The following DPP10 variants were observed in gnomAD, a reference collection of about 807,000 sequenced individuals.
The protein encoded by DPP10 is dipeptidyl peptidase like 10.
In DPP10, 33 loss-of-function variants were observed where a neutral mutation model predicts 120.9. The ratio of observed to expected loss-of-function variants is 0.27; its 90% CI spans 0.21 to 0.37. The LOEUF is 0.37. Among genes scored for constraint, DPP10 ranks in the 10% least tolerant of loss-of-function variants. The probability of loss-of-function intolerance (pLI) is 1.00; values close to 1 mark genes in which losing one functional copy is unlikely to be tolerated. For synonymous variants in DPP10, 337 were observed against 326.1 expected (o/e 1.03, Z -0.36); for missense variants, 816 against 942.8 (o/e 0.87, Z 1.76).
intron 1 of DPP10, among the ~76,000 whole-genome samples, chr2:114,650,852 GT>G (rs1175857588): frequency 6.6e-6 from 1 of 152,142 alleles, no homozygotes; most frequent in Non-Finnish European, 1.5e-5. Context: ...AAGATACCAT[GT>G]TTTTTCCTAT....
intron 2 of DPP10, among the ~76,000 whole-genome samples, chr2:115,324,343 C>G (rs1304590393): frequency 6.6e-6 from 1 of 152,140 alleles, no homozygotes; most frequent in Non-Finnish European, 1.5e-5. Context: ...TTGAAAATCT[C>G]TCGTTTAGCA....
chr2:115,452,573 G>T (rs1359552016), intron 3 of DPP10, among the ~76,000 whole-genome samples: 1 of 151,882 alleles, frequency 6.6e-6, no homozygotes, highest in Admixed American at 6.6e-5. Flanking sequence ...CTGCTTGCAA[G>T]GTATCTGTGC....
At chr2:115,842,025 A>T (rs1329735853) in intron 25 of DPP10, among the ~76,000 whole-genome samples, 186 bp from the exon 26 acceptor site, 2 of 152,216 alleles carry the variant, frequency 1.3e-5, no homozygotes, top group Non-Finnish European at 2.9e-5. Context: ...TTTAAATACC[A>T]AATATTAATT....
chr2:114,746,008 G>A (rs1379070531), intron 1 of DPP10, among the ~76,000 whole-genome samples: 2 of 152,188 alleles, frequency 1.3e-5, no homozygotes, highest in African/African-American at 4.8e-5. Flanking sequence ...GCAGAGAAGG[G>A]AGCCCCTAAC....
chr2:115,028,805 A>G (rs1304433142), intron 1 of DPP10, among the ~76,000 whole-genome samples: 6 of 152,020 alleles, frequency 3.9e-5, no homozygotes. Flanking sequence ...TTATCTTTAT[A>G]TTCTGACTTT....
chr2:114,856,749 G>C (rs1444958833), intron 1 of DPP10, among the ~76,000 whole-genome samples: 1 of 152,156 alleles, frequency 6.6e-6, no homozygotes, highest in African/African-American at 2.4e-5. Flanking sequence ...GAGAGCAGGA[G>C]AGTTGCTTCT....
intron 1 of DPP10, among the ~76,000 whole-genome samples, chr2:115,235,440 C>T (rs145974140): frequency 6.6e-6 from 1 of 152,228 alleles, no homozygotes; most frequent in East Asian, 1.9e-4. Flanking sequence ...GCATTTACAA[C>T]AATATAATTC....
intron 1 of DPP10, among the ~76,000 whole-genome samples, chr2:115,190,739 C>T (rs1022081596): frequency 4.6e-5 from 7 of 152,132 alleles, no homozygotes; most frequent in South Asian, 2.1e-4. Flanking sequence ...AGCTCATGCC[C>T]GGTCCGTGAG....
In DPP10 at chr2:114,906,716, C is replaced by A. The variant is rs138664319; in HGVS notation, c.61-402523C>A. 2.0e-5 allele frequency among the ~76,000 whole-genome samples: 3 copies of A among 152,192 alleles called. No homozygotes were observed. The East Asian group carries it at 5.8e-4, about 29-fold the overall frequency. On this transcript the variant is annotated intron_variant, in intron 1 of 25. Coordinates refer to ENST00000410059, the MANE Select transcript of DPP10 (RefSeq NM_020868.6). Reference sequence around the variant, plus strand: ...TCCTCAGGATAAATTCCCACTTGGTCATATTATATAATCCTATTTATGTGT... The same window carrying A: ...TCCTCAGGATAAATTCCCACTTGGTAATATTATATAATCCTATTTATGTGT...
At chr2:115,400,654 G>A (rs539676128) in intron 3 of DPP10, among the ~76,000 whole-genome samples, 7 of 152,154 alleles carry the variant, frequency 4.6e-5, no homozygotes, top group Admixed American at 2.6e-4. Context: ...AGTAACTCAG[G>A]GACCATCTGT....
intron 4 of DPP10, among the ~76,000 whole-genome samples, chr2:115,516,575 T>C (rs1448694493): frequency 6.0e-3 from 7 of 1,162 alleles, no homozygotes; most frequent in South Asian, 0.25. Flanking sequence ...TTATTCTTTG[T>C]TTTTTTTTTT....
At chr2:114,855,019 G>A (rs541799341) in intron 1 of DPP10, among the ~76,000 whole-genome samples, 1 of 152,220 alleles carries the variant, frequency 6.6e-6, no homozygotes, top group Admixed American at 6.5e-5. Flanking sequence ...TTCACAGAGA[G>A]AGAAAAAGAT....
chr2:115,202,607 C>T (rs1475148851), intron 1 of DPP10, among the ~76,000 whole-genome samples: 1 of 152,134 alleles, frequency 6.6e-6, no homozygotes, highest in Non-Finnish European at 1.5e-5. Context: ...TTGGATTCTG[C>T]ATAGCTTTAC....
chr2:115,783,713 C>G (rs1254450866), intron 17 of DPP10, among the ~76,000 whole-genome samples: 2 of 152,000 alleles, frequency 1.3e-5, no homozygotes, highest in Non-Finnish European at 2.9e-5. Context: ...AATATTAACT[C>G]TAACGGCAAC....
chr2:114,617,434 T>C (rs1693756708), intron 1 of DPP10, among the ~76,000 whole-genome samples: 2 of 152,150 alleles, frequency 1.3e-5, no homozygotes. Flanking sequence ...AAGATGTTAA[T>C]GCTGATTAAA....
intron 1 of DPP10, among the ~76,000 whole-genome samples, chr2:114,641,909 G>GCTTA (rs750078407): frequency 4.6e-5 from 7 of 151,844 alleles, no homozygotes; most frequent in African/African-American, 9.7e-5. Context: ...TGATGTGTAT[G>GCTTA]CTTAGTTTTA....
intron 3 of DPP10, among the ~76,000 whole-genome samples, chr2:115,347,429 G>T (rs1281568099): frequency 6.6e-6 from 1 of 152,086 alleles, no homozygotes; most frequent in Admixed American, 6.6e-5. Context: ...AGCAGAGGAA[G>T]GTTAAAATAT....
At chr2:114,890,674 A>G (rs560456194) in intron 1 of DPP10, among the ~76,000 whole-genome samples, 2 of 152,342 alleles carry the variant, frequency 1.3e-5, no homozygotes, top group East Asian at 3.9e-4. Context: ...TTGAATGCCT[A>G]CTATGTTCCA....
intron 2 of DPP10, among the ~76,000 whole-genome samples, chr2:115,318,316 G>A (rs1260747037): frequency 6.6e-6 from 1 of 152,034 alleles, no homozygotes; most frequent in African/African-American, 2.4e-5. Context: ...GTACTGCATT[G>A]TTTGGATTAC....
Sources: allele counts gnomAD v4.1 joint callset (sites outside exome capture counted in the v4.1 genomes callset), GRCh38; gene constraint gnomAD v4.1.1; transcripts MANE v1.5; gene names NCBI Gene and HGNC (gene_info 2026-07-23, HGNC 2026-07-21).